Variants in CHST7 observed in about 807,000 individuals in gnomAD.
CHST7 encodes the protein carbohydrate sulfotransferase 7.
Under a neutral mutation model 9.0 loss-of-function variants are expected in CHST7, and 5 were observed. The observed-to-expected ratio is 0.56, with a 90% CI of 0.29 to 1.17. The LOEUF (loss-of-function observed/expected upper bound fraction) is 1.17. Among genes scored for constraint, CHST7 ranks in the 50% most tolerant of loss-of-function variants. CHST7 has a pLI of 0.08. For missense variants in CHST7, 377 were observed against 485.1 expected (o/e 0.78, Z 2.09); for synonymous variants, 244 against 237.1 (o/e 1.03, Z -0.27).
chrX:46,582,515 G>A (rs930281287), intron 1 of CHST7, among the ~76,000 whole-genome samples: 1 of 111,794 alleles, frequency 8.9e-6, no homozygotes, highest in South Asian at 3.7e-4. Flanking sequence ...GTTCATCTCT[G>A]ATGATGAATG....
At chrX:46,592,760 A>T (rs1942578659) in intron 1 of CHST7, among the ~76,000 whole-genome samples, 1 of 104,067 alleles carries the variant, frequency 9.6e-6, no homozygotes, top group African/African-American at 3.5e-5. Flanking sequence ...CTTTTATCTT[A>T]ATTATTTCCT....
chrX:46,587,644 T>A (rs1464406576), intron 1 of CHST7, among the ~76,000 whole-genome samples: 6 of 112,329 alleles, frequency 5.3e-5, no homozygotes, highest in African/African-American at 1.9e-4. Flanking sequence ...AATGAGGGAA[T>A]GTACTTTGAG....
chrX:46,589,016 T>C (rs1002946033), intron 1 of CHST7, among the ~76,000 whole-genome samples: 1 of 111,566 alleles, frequency 9.0e-6, no homozygotes, highest in African/African-American at 3.3e-5. Context: ...ATTTTCATTC[T>C]CCCCAGATTC....
In CHST7 at chrX:46,575,031, G is replaced by C. The variant is rs1303087027; in HGVS notation, c.1100G>C (p.Arg367Pro). 1 of 1,127,337 alleles carries C rather than the reference G, an allele frequency of 8.9e-7. No homozygotes were observed. Among genetic ancestry groups the C allele is most frequent in the Non-Finnish European group, 1.2e-6 (1 of 866,354 alleles). The allele number at this position is 1,127,337 out of a possible 1,213,427, so 92.9% of individuals were successfully genotyped here. Residue 367 changes from arginine (R) to proline (P), a missense_variant, in exon 1 of 2, where the codon CGG (arginine) becomes CCG (proline). Around this residue, in one of 3 missense-constraint regions of CHST7, gnomAD observed 130 missense variants for 134.9 expected, o/e 0.96. Transcript: ENST00000276055. ...GCGCGCGGCGCGCCCGCCTGGCTGCGGCGCCGCTACCTGAGGCTGCGCTAT... is the reference window on the plus strand; with the variant it reads ...GCGCGCGGCGCGCCCGCCTGGCTGCCGCGCCGCTACCTGAGGCTGCGCTAT... The part of the protein sequence containing the change: ...LFARGAPAWL[R>P]RRYLRLRYED...
In CHST7 at chrX:46,584,075, A is replaced by T. The variant is rs7877371; in HGVS notation, c.*31+8652A>T. Among the ~76,000 whole-genome samples the T allele has an allele frequency of 5.3e-3, 594 of 112,164 alleles. 7 individuals are homozygous for T. The highest frequency in any genetic ancestry group is 0.018 in the African/African-American group (564 of 30,845). On this transcript the variant is annotated intron_variant, in intron 1 of 1. Transcript: ENST00000276055. ...AATTCGGAGATTAAGAGGCTGTGAA[A>T]GAGGGCCACCACATTTGATTTCAAT...
In CHST7 at chrX:46,574,218, C is replaced by T; in HGVS notation, c.287C>T (p.Ala96Val). The change falls in exon 1 of 2, where the codon GCA becomes GTA. Residue 96 changes from alanine to valine, a missense_variant. This residue lies in a region of CHST7 where 239 missense variants were observed against 325.7 expected (regional missense o/e 0.73). Transcript: ENST00000276055. ...AACCTCAGCGGCGCTGTCGGGGAGGCAGTGTCTCGCGAGAAGCAGCACATC... is the reference window on the plus strand; with the variant it reads ...AACCTCAGCGGCGCTGTCGGGGAGGTAGTGTCTCGCGAGAAGCAGCACATC... ...PSNLSGAVGE[A>V]VSREKQHIYV... 2 of 1,208,880 alleles carry T rather than the reference C, an allele frequency of 1.7e-6. No homozygotes were observed. The highest frequency in any genetic ancestry group is 2.2e-6 in the Non-Finnish European group (2 of 893,744).
At chrX:46,586,989 C>T (rs1250932212) in intron 1 of CHST7, among the ~76,000 whole-genome samples, 2 of 111,124 alleles carry the variant, frequency 1.8e-5, no homozygotes, top group Admixed American at 1.9e-4. Context: ...CCCGCCTCGG[C>T]CTCCCAAAAT....
intron 1 of CHST7, among the ~76,000 whole-genome samples, chrX:46,591,847 C>T (rs1312663621): frequency 4.5e-5 from 5 of 110,548 alleles, no homozygotes; most frequent in Non-Finnish European, 9.5e-5. Flanking sequence ...AGATATTTGT[C>T]CTAATGCTCT....
At position 46,598,066 on chromosome X, in the gene CHST7, A is replaced by AAGAAG. The variant is rs1259610411; in HGVS notation, c.*342_*346dup. 3 of 112,528 alleles carry AAGAAG rather than the reference A, an allele frequency of 2.7e-5. No individual in the cohort carries two copies. Among genetic ancestry groups the AAGAAG allele is most frequent in the African/African-American group, 9.7e-5 (3 of 30,911 alleles). 9.3% of individuals were successfully genotyped at this position (112,528 alleles called of 1,213,427 possible). A position where few individuals can be genotyped will look rare whatever the true frequency, so the allele number is the denominator to read the frequency against. ...ATTTCAACAAGGCATCCTCACAACAAAGAAGAGATGTGATTTGGTACCATT... is the reference window on the plus strand; with the variant it reads ...ATTTCAACAAGGCATCCTCACAACAAAGAAGAGAAGAGATGTGATTTGGTACCATT... On this transcript the variant is annotated 3_prime_UTR_variant, in exon 2 of 2. Coordinates refer to ENST00000276055, the MANE Select transcript of CHST7 (RefSeq NM_019886.4).
chrX:46,584,563 G>C (rs1221896153), intron 1 of CHST7, among the ~76,000 whole-genome samples: 1 of 105,974 alleles, frequency 9.4e-6, no homozygotes, highest in Non-Finnish European at 1.9e-5. Flanking sequence ...AAGGTGCCCT[G>C]AAGATAGATG....
At chrX:46,578,646 G>C (rs1265935374) in intron 1 of CHST7, among the ~76,000 whole-genome samples, 2 of 109,585 alleles carry the variant, frequency 1.8e-5, no homozygotes, top group Non-Finnish European at 3.8e-5. Context: ...GGTTAGTCTC[G>C]TACTCCTGAG....
Position 46,574,629 on chromosome X carries a change from C to T in CHST7, c.698C>T (p.Ala233Val), listed in dbSNP as rs764415985. 4.1e-6 allele frequency: 5 copies of T among 1,207,271 alleles called. No homozygotes were observed. The Admixed American group carries it at 1.1e-4, about 26-fold the overall frequency. ...TACERSCPPV[A>V]IRALEAECRK... ...TGCGAGCGCAGCTGCCCACCCGTGG[C>T]GATACGCGCCCTGGAGGCCGAGTGC... Residue 233 changes from alanine (A) to valine (V), a missense_variant, in exon 1 of 2, where the codon GCG becomes GTG. Around this residue, in one of 3 missense-constraint regions of CHST7, gnomAD observed 239 missense variants for 325.7 expected, o/e 0.73. Transcript: ENST00000276055.
At chrX:46,584,687 C>T (rs1221887420) in intron 1 of CHST7, among the ~76,000 whole-genome samples, 1 of 111,581 alleles carries the variant, frequency 9.0e-6, no homozygotes, top group East Asian at 2.8e-4. Context: ...TGGTATCCAG[C>T]AGGTTGGAAA....
Position 46,574,648 on chromosome X carries a change from C to A in CHST7, c.717C>A (p.Ala239=), listed in dbSNP as rs141240078. 3.3e-6 allele frequency: 4 copies of A among 1,207,571 alleles called. No individual in the cohort carries two copies. In the Admixed American group the frequency reaches 6.6e-5, roughly 20 times the overall value. Residue 239 remains alanine (A), a synonymous_variant, in exon 1 of 2, where the codon GCC becomes GCA. Transcript: ENST00000276055. ...CPPVAIRALE[A]ECRKYPVVVI... ...CCGTGGCGATACGCGCCCTGGAGGC[C>A]GAGTGCCGAAAGTACCCGGTGGTGG...
intron 1 of CHST7, 146 bp downstream of exon 1, chrX:46,575,569 C>T: frequency 2.0e-6 from 1 of 493,214 alleles, no homozygotes. Context: ...AAGTCCTGCT[C>T]GTAGAATTTG....
chrX:46,578,671 C>G (rs971281584), intron 1 of CHST7, among the ~76,000 whole-genome samples: 1 of 110,055 alleles, frequency 9.1e-6, no homozygotes, highest in African/African-American at 3.3e-5. Context: ...AGCTATCTGC[C>G]TGCCTCGGCC....
At chrX:46,588,222 T>C (rs750317539) in intron 1 of CHST7, among the ~76,000 whole-genome samples, 2 of 110,626 alleles carry the variant, frequency 1.8e-5, no homozygotes, top group African/African-American at 3.3e-5. Context: ...CAGGCCCAAA[T>C]TGACAAACAT....
intron 1 of CHST7, among the ~76,000 whole-genome samples, chrX:46,582,975 G>T (rs1455318597): frequency 9.4e-6 from 1 of 106,110 alleles, no homozygotes; most frequent in Non-Finnish European, 1.9e-5. Context: ...TCTTGGCAGA[G>T]ATTTTCTTCC....
intron 1 of CHST7, among the ~76,000 whole-genome samples, chrX:46,596,941 T>C (rs1180545900): frequency 5.2e-5 from 3 of 57,290 alleles, no homozygotes; most frequent in African/African-American, 2.4e-4. Context: ...AGTGAGACTC[T>C]GTCTCAAAAA....
Sources: allele counts gnomAD v4.1 joint callset (sites outside exome capture counted in the v4.1 genomes callset), GRCh38; gene constraint gnomAD v4.1.1; regional missense constraint gnomAD v4.1.1; transcripts MANE v1.5; gene names NCBI Gene and HGNC (gene_info 2026-07-23, HGNC 2026-07-21).